Variants in SND1 observed in about 807,000 individuals in gnomAD.
SND1 encodes the protein staphylococcal nuclease and tudor domain containing 1.
A neutral mutation model predicts 121.7 loss-of-function variants in SND1; 38 were observed. The ratio of observed to expected loss-of-function variants is 0.31; its 90% CI spans 0.24 to 0.41. SND1 has a LOEUF of 0.41. Ranked by LOEUF, SND1 falls within the 10% of genes least tolerant of loss-of-function variation. The pLI is 1.00. For missense variants in SND1, 868 were observed against 1,184.6 expected, an observed-to-expected ratio of 0.73 and a Z score of 3.92; for synonymous variants, 401 against 447.4, an observed-to-expected ratio of 0.90 and a Z score of 1.31.
At chr7:127,699,841 G>C (rs542183907) in intron 4 of SND1, among the ~76,000 whole-genome samples, 3 of 152,290 alleles carry the variant, frequency 2.0e-5, no homozygotes, top group East Asian at 3.9e-4. Flanking sequence ...AGAAACATTT[G>C]CATGAGGTAT....
chr7:127,905,901 A>G (rs1458326713), intron 14 of SND1, among the ~76,000 whole-genome samples: 2 of 152,178 alleles, frequency 1.3e-5, no homozygotes. Context: ...CAAAAGTGCT[A>G]GAGCTCAGCC....
chr7:127,841,116 A>G (rs1008738249), intron 11 of SND1, among the ~76,000 whole-genome samples: 1 of 152,182 alleles, frequency 6.6e-6, no homozygotes, highest in Non-Finnish European at 1.5e-5. Flanking sequence ...CACATGTGGC[A>G]TAGTGAATTA....
intron 14 of SND1, among the ~76,000 whole-genome samples, chr7:127,922,312 C>T (rs1326730412): frequency 6.6e-6 from 1 of 151,446 alleles, no homozygotes; most frequent in Non-Finnish European, 1.5e-5. Context: ...GCCACCGTGC[C>T]TGGCTCAGAC....
chr7:127,776,040 G>C (rs1797614606), intron 10 of SND1, among the ~76,000 whole-genome samples: 1 of 152,170 alleles, frequency 6.6e-6, no homozygotes, highest in Non-Finnish European at 1.5e-5. Flanking sequence ...CATTTTTAGA[G>C]ATGATTAAAC....
At chr7:127,982,821 C>T (rs1028464583) in intron 15 of SND1, among the ~76,000 whole-genome samples, 3 of 152,180 alleles carry the variant, frequency 2.0e-5, no homozygotes, top group African/African-American at 7.2e-5. Context: ...TACTTTAAAG[C>T]TTATGAGCAA....
chr7:128,021,191 C>T (rs1033967306), intron 16 of SND1, among the ~76,000 whole-genome samples: 3 of 152,224 alleles, frequency 2.0e-5, no homozygotes, highest in Non-Finnish European at 4.4e-5. Context: ...TATTATCTGA[C>T]TTCCTTTAAG....
At chr7:127,789,498 G>T (rs1797872273) in intron 10 of SND1, among the ~76,000 whole-genome samples, 1 of 152,208 alleles carries the variant, frequency 6.6e-6, no homozygotes, top group Non-Finnish European at 1.5e-5. Flanking sequence ...CACTGCGGAA[G>T]AGAGACTATC....
chr7:127,666,773 T>C (rs886650682), intron 1 of SND1, among the ~76,000 whole-genome samples: 15 of 152,178 alleles, frequency 9.9e-5, no homozygotes, highest in Admixed American at 6.5e-4. Context: ...GTTAAATATC[T>C]TGATGTGTGC....
At chr7:128,019,880 G>A (rs556675961) in intron 16 of SND1, among the ~76,000 whole-genome samples, 1 of 152,318 alleles carries the variant, frequency 6.6e-6, no homozygotes, top group Admixed American at 6.5e-5. Context: ...AACCTGGGCT[G>A]CCAGAGCTTT....
intron 16 of SND1, among the ~76,000 whole-genome samples, chr7:128,045,714 G>T (rs892773231): frequency 6.6e-6 from 1 of 152,134 alleles, no homozygotes; most frequent in Non-Finnish European, 1.5e-5. Context: ...GGGGTGGTTG[G>T]TTTAACTAAG....
intron 16 of SND1, among the ~76,000 whole-genome samples, chr7:128,048,481 T>A (rs1792991425): frequency 6.6e-6 from 1 of 152,194 alleles, no homozygotes; most frequent in South Asian, 2.1e-4. Flanking sequence ...GTCACTTTTC[T>A]TAATGGTTTG....
intron 16 of SND1, among the ~76,000 whole-genome samples, chr7:128,073,129 G>A (rs984211713): frequency 1.3e-5 from 2 of 152,168 alleles, no homozygotes; most frequent in Admixed American, 6.5e-5. Flanking sequence ...GGAGGGGCAG[G>A]GTCTTTTCTG....
At chr7:127,893,672 GGAGAA>G (rs1800058732) in intron 13 of SND1, among the ~76,000 whole-genome samples, 2 of 152,054 alleles carry the variant, frequency 1.3e-5, no homozygotes, top group Admixed American at 1.3e-4. Flanking sequence ...GGTTATCTCA[GGAGAA>G]GAGAAAAGGG....
intron 1 of SND1, among the ~76,000 whole-genome samples, chr7:127,658,387 T>C (rs1795248247): frequency 6.6e-6 from 1 of 152,202 alleles, no homozygotes; most frequent in Non-Finnish European, 1.5e-5. Flanking sequence ...GGATTAAGAC[T>C]AAGATTTTCT....
chr7:127,933,367 G>A (rs1563062804), intron 15 of SND1, among the ~76,000 whole-genome samples: 1 of 152,214 alleles, frequency 6.6e-6, no homozygotes, highest in Admixed American at 6.5e-5. Context: ...AAGCAAATAC[G>A]TGATAAAAAT....
chr7:128,030,891 C>T, intron 16 of SND1: 1 of 413,576 alleles, frequency 2.4e-6, no homozygotes. Flanking sequence ...CAACCGTCCC[C>T]ACCCAGTTCG....
intron 12 of SND1, among the ~76,000 whole-genome samples, chr7:127,881,249 G>A (rs1277759431): frequency 6.6e-6 from 1 of 152,046 alleles, no homozygotes. Context: ...CCTATGAAAA[G>A]GGGTACATAA....
At chr7:127,705,452 G>A (rs1341761398) in intron 8 of SND1, among the ~76,000 whole-genome samples, 5 of 152,210 alleles carry the variant, frequency 3.3e-5, no homozygotes, top group Non-Finnish European at 7.3e-5. Flanking sequence ...ACTCTGAGAC[G>A]TTATTGGTGT....
At chr7:127,839,066 C>T (rs570915123) in intron 11 of SND1, among the ~76,000 whole-genome samples, 3 of 152,272 alleles carry the variant, frequency 2.0e-5, no homozygotes, top group Admixed American at 1.3e-4. Flanking sequence ...TTGCTGGGAA[C>T]CAGTCACTGC....
Sources: allele counts gnomAD v4.1 joint callset (sites outside exome capture counted in the v4.1 genomes callset), GRCh38; gene constraint gnomAD v4.1.1; transcripts MANE v1.5; gene names NCBI Gene and HGNC (gene_info 2026-07-23, HGNC 2026-07-21).